The following NUP214 variants were observed in gnomAD, a reference collection of about 807,000 sequenced individuals.
NUP214 encodes the protein nucleoporin 214.
NUP214 carries 79 observed loss-of-function variants against 196.2 expected under a neutral mutation model. The ratio of observed to expected loss-of-function variants is 0.40; its 90% CI spans 0.34 to 0.49. The LOEUF (loss-of-function observed/expected upper bound fraction) is 0.49, where lower values mean the gene tolerates loss of function less well. NUP214 is among the 20% of genes least tolerant of loss of function. NUP214 has a pLI of 0.58. For synonymous variants in NUP214, 1,020 were observed against 990.5 expected (o/e 1.03, Z -0.56); for missense variants, 2,468 against 2,539.0 (o/e 0.97, Z 0.60).
Position 131,139,373 on chromosome 9 carries a change from C to G in NUP214, c.1098C>G (p.Val366=), listed in dbSNP as rs761874142. The G allele has an allele frequency of 6.2e-7, 1 of 1,603,136 alleles. No individual in the cohort carries two copies. Among genetic ancestry groups the G allele is most frequent in the Non-Finnish European group, 8.5e-7 (1 of 1,176,494 alleles). ...KSDDSLPMGV[V]VDYTNQVEIT... is the part of the protein sequence containing the mutation. The stretch of plus-strand genomic sequence containing the variant: ...ATGACTCCTTGCCCATGGGAGTTGT[C>G]GTAGACTATACAAACCAAGTGGAAA... The change falls in exon 10 of 36, where the codon GTC becomes GTG. Residue 366 remains valine (V), a synonymous_variant. Coordinates refer to ENST00000359428, the MANE Select transcript of NUP214 (RefSeq NM_005085.4).
intron 30 of NUP214, among the ~76,000 whole-genome samples, chr9:131,210,573 GC>G (rs1834211908): frequency 6.7e-6 from 1 of 149,982 alleles, no homozygotes; most frequent in South Asian, 2.1e-4. Flanking sequence ...GTTGTGGTGA[GC>G]CGAGATCACA....
intron 29 of NUP214, among the ~76,000 whole-genome samples, chr9:131,201,019 A>G (rs1458094340): frequency 6.6e-6 from 1 of 151,012 alleles, no homozygotes; most frequent in Non-Finnish European, 1.5e-5. Context: ...TTCATTCCCC[A>G]GGGCTTTAGA....
chr9:131,129,164 G>A (rs1218485899), intron 3 of NUP214, 115 bp from the exon 4 acceptor site: 5 of 870,958 alleles, frequency 5.7e-6, no homozygotes, highest in Non-Finnish European at 7.1e-6. Flanking sequence ...TGGTTATGGA[G>A]AAAAATAAAC....
intron 24 of NUP214, among the ~76,000 whole-genome samples, chr9:131,182,950 A>C (rs149945351): frequency 1.3e-5 from 2 of 152,192 alleles, no homozygotes; most frequent in African/African-American, 4.8e-5. Context: ...AAGTGATACT[A>C]TATTACTAAA....
At chr9:131,162,209 A>G (rs1280378771) in intron 18 of NUP214, among the ~76,000 whole-genome samples, 1 of 152,190 alleles carries the variant, frequency 6.6e-6, no homozygotes, top group Non-Finnish European at 1.5e-5. Context: ...ATCTTATAGG[A>G]TCATCGTTGT....
rs758702596 is a variant in NUP214 at position 131,233,534 on chromosome 9, A to C, written c.*47A>C. On this transcript the variant is annotated 3_prime_UTR_variant, in exon 36 of 36. Transcript: ENST00000359428. ...GATCCCTGGGACCAACCGCATCCTC[A>C]GCTTCTTCCCCGAGAAATGCTGGAG... 1 of 1,610,718 alleles carries C rather than the reference A, an allele frequency of 6.2e-7. No homozygotes were observed. The highest frequency in any genetic ancestry group is 1.7e-5 in the Admixed American group (1 of 59,976).
At chr9:131,128,560 C>T in intron 3 of NUP214, 77 bp downstream of exon 3, 2 of 1,295,518 alleles carry the variant, frequency 1.5e-6, no homozygotes, top group Admixed American at 4.8e-5. Context: ...AACTTGGAAG[C>T]TTCATAGGTT....
At chr9:131,210,683 G>C (rs901247112) in intron 30 of NUP214, among the ~76,000 whole-genome samples, 1 of 151,786 alleles carries the variant, frequency 6.6e-6, no homozygotes, top group African/African-American at 2.4e-5. Context: ...AATCTAGTAC[G>C]TGAAATAAAA....
chr9:131,147,563 G>A lies in NUP214; in HGVS notation c.2019G>A (p.Ala673=), dbSNP rs141930975. 2.1e-4 allele frequency: 331 copies of A among 1,613,660 alleles called. No individual in the cohort carries two copies. The highest frequency in any genetic ancestry group is 6.8e-4 in the Admixed American group (41 of 60,010). ...AATCACCCAGGATAACCCCTCCAGCGGCAAAGCCAGGCTCTCCCCAGGTAT... is the reference window on the plus strand; with the variant it reads ...AATCACCCAGGATAACCCCTCCAGCAGCAAAGCCAGGCTCTCCCCAGGTAT... ...VQKSPRITPP[A]AKPGSPQAKS... The change falls in exon 14 of 36, where the codon GCG becomes GCA. Residue 673 remains alanine (A), a synonymous_variant. Coordinates refer to ENST00000359428, the MANE Select transcript of NUP214 (RefSeq NM_005085.4).
intron 11 of NUP214, 128 bp from the exon 12 acceptor site, chr9:131,144,152 T>G: frequency 1.3e-6 from 1 of 755,698 alleles, no homozygotes. Flanking sequence ...CCATGTGTTC[T>G]TTTTGCTTCT....
In NUP214 at chr9:131,139,160, A is replaced by C. The variant is rs1046813007; in HGVS notation, c.1006-121A>C. The C allele has an allele frequency of 1.8e-5, 21 of 1,162,682 alleles. No homozygotes were observed. In the African/African-American group the frequency reaches 2.9e-4, roughly 16 times the overall value. The allele number at this position is 1,162,682 out of a possible 1,614,324, so 72.0% of individuals were successfully genotyped here. A position where few individuals can be genotyped will look rare whatever the true frequency, so the allele number is the denominator to read the frequency against. On this transcript the variant is annotated intron_variant, in intron 9 of 35. Transcript: ENST00000359428. ...CTAGTCAACACCTGAGTCTAAACCA[A>C]GTGAGTCATCTCTGTTCTCCTATTT...
chr9:131,163,385 A>G (rs914561024), intron 19 of NUP214: 3 of 537,054 alleles, frequency 5.6e-6, no homozygotes, highest in African/African-American at 1.9e-5. Flanking sequence ...GGAGAGTTAA[A>G]TTAAGTCTGT....
chr9:131,129,721 G>T (rs554995671), intron 4 of NUP214, among the ~76,000 whole-genome samples: 3 of 151,722 alleles, frequency 2.0e-5, no homozygotes, highest in Non-Finnish European at 4.4e-5. Context: ...CTCGTGCCTC[G>T]GCCACCCAAA....
intron 28 of NUP214, among the ~76,000 whole-genome samples, chr9:131,196,640 A>G (rs1222094832): frequency 6.6e-6 from 1 of 152,250 alleles, no homozygotes; most frequent in African/African-American, 2.4e-5. Flanking sequence ...TCACACAACC[A>G]GCGAGTGGCA....
chr9:131,233,699 C>T lies in NUP214; in HGVS notation c.*212C>T, dbSNP rs1214448394. The T allele has an allele frequency of 8.2e-6, 5 of 612,754 alleles. No homozygotes were observed. Among genetic ancestry groups the T allele is most frequent in the Admixed American group, 2.3e-5 (1 of 44,386 alleles). 38.0% of individuals were successfully genotyped at this position (612,754 alleles called of 1,614,324 possible). On this transcript the variant is annotated 3_prime_UTR_variant, in exon 36 of 36. Transcript: ENST00000359428. The stretch of plus-strand genomic sequence containing the variant: ...CTCCCACTATTAAACAGTCTGTTTC[C>T]GTACAGAACGTATGTGGGTTTTTTC...
At chr9:131,182,621 T>C (rs1391208245) in intron 24 of NUP214, among the ~76,000 whole-genome samples, 1 of 152,238 alleles carries the variant, frequency 6.6e-6, no homozygotes, top group Non-Finnish European at 1.5e-5. Context: ...GGGACCACAG[T>C]TGTAGACAGT....
intron 31 of NUP214, chr9:131,222,476 C>G (rs758855916): frequency 3.2e-4 from 78 of 244,334 alleles, no homozygotes; most frequent in Non-Finnish European, 4.6e-4. Flanking sequence ...CAGGAGCACC[C>G]AGTGAGCTTC....
chr9:131,136,180 T>C (rs1035025250), intron 9 of NUP214, among the ~76,000 whole-genome samples, 174 bp downstream of exon 9: 14 of 152,188 alleles, frequency 9.2e-5, no homozygotes, highest in African/African-American at 3.1e-4. Flanking sequence ...GCTGGGACTG[T>C]AGGCGCGGGC....
chr9:131,203,033 C>T (rs1343574596), intron 30 of NUP214, among the ~76,000 whole-genome samples: 2 of 151,818 alleles, frequency 1.3e-5, no homozygotes, highest in Non-Finnish European at 2.9e-5. Flanking sequence ...GCAAGCTCTG[C>T]CTCCCAGGTT....
Sources: gnomAD v4.1 joint callset for allele counts (sites outside exome capture counted in the v4.1 genomes callset) on GRCh38, gnomAD v4.1.1 for gene constraint, MANE v1.5 for transcripts, NCBI Gene and HGNC (gene_info 2026-07-23, HGNC 2026-07-21) for gene names.